Variants in MACROD2 observed in about 807,000 individuals in gnomAD.
MACROD2 encodes mono-ADP ribosylhydrolase 2, also known as ADP-ribose glycohydrolase MACROD2.
MACROD2 carries 36 observed loss-of-function variants against 70.4 expected under a neutral mutation model. That is an observed-to-expected ratio of 0.51 (90% CI 0.39 to 0.68). MACROD2 has a LOEUF of 0.68. Among genes scored for constraint, MACROD2 ranks in the 30% least tolerant of loss-of-function variants. MACROD2 has a pLI of 0.00. For synonymous variants in MACROD2, 172 were observed against 178.8 expected (o/e 0.96, Z 0.30); for missense variants, 496 against 538.4 (o/e 0.92, Z 0.78).
At chr20:14,377,295 TG>T (rs2083380818) in intron 3 of MACROD2, among the ~76,000 whole-genome samples, 1 of 152,184 alleles carries the variant, frequency 6.6e-6, no homozygotes, top group South Asian at 2.1e-4. Context: ...AAACTGTTTG[TG>T]GGCATTCAAT....
At chr20:15,234,010 T>TATATATATATTA (rs1299319044) in intron 6 of MACROD2, among the ~76,000 whole-genome samples, 1 of 42,502 alleles carries the variant, frequency 2.4e-5, no homozygotes, top group Non-Finnish European at 4.4e-5. Context: ...TATATATATA[T>TATATATATATTA]TCTTTTTTTT....
chr20:15,775,616 TC>T (rs2051708866), intron 8 of MACROD2, among the ~76,000 whole-genome samples: 1 of 152,124 alleles, frequency 6.6e-6, no homozygotes, highest in African/African-American at 2.4e-5. Context: ...AATTTTATTT[TC>T]CGTTTACATA....
chr20:14,065,678 A>G (rs112302848), intron 2 of MACROD2, among the ~76,000 whole-genome samples: 3,466 of 152,282 alleles, frequency 0.023, 56 homozygotes, highest in Non-Finnish European at 0.038. Flanking sequence ...TAATATCCCC[A>G]TAAGTGGGGA....
intron 3 of MACROD2, among the ~76,000 whole-genome samples, chr20:14,352,841 C>T (rs553440267): frequency 4.6e-5 from 7 of 151,726 alleles, no homozygotes; most frequent in African/African-American, 1.7e-4. Flanking sequence ...CAATGCACCA[C>T]CCAGAATTAA....
At chr20:14,996,909 C>A (rs1811354490) in intron 5 of MACROD2, among the ~76,000 whole-genome samples, 1 of 152,150 alleles carries the variant, frequency 6.6e-6, no homozygotes, top group African/African-American at 2.4e-5. Context: ...GCCTAGACTG[C>A]CTTTCAGATA....
At chr20:15,907,773 T>TA (rs1195990665) in intron 10 of MACROD2, among the ~76,000 whole-genome samples, 1 of 152,184 alleles carries the variant, frequency 6.6e-6, no homozygotes, top group Non-Finnish European at 1.5e-5. Context: ...TTCCTGTGCA[T>TA]AGATACAGAG....
intron 8 of MACROD2, among the ~76,000 whole-genome samples, chr20:15,539,055 T>G (rs2047918258): frequency 6.6e-6 from 1 of 152,222 alleles, no homozygotes; most frequent in Non-Finnish European, 1.5e-5. Flanking sequence ...AAACACATAA[T>G]AGAACATTTT....
chr20:14,936,177 A>G (rs1188245346), intron 5 of MACROD2, among the ~76,000 whole-genome samples: 1 of 152,198 alleles, frequency 6.6e-6, no homozygotes, highest in East Asian at 1.9e-4. Context: ...AGACAATTGC[A>G]GGGAGGGCCT....
At chr20:14,366,428 G>A (rs1308970851) in intron 3 of MACROD2, among the ~76,000 whole-genome samples, 10 of 148,496 alleles carry the variant, frequency 6.7e-5, no homozygotes, top group South Asian at 2.1e-4. Flanking sequence ...AGGCAGTGGC[G>A]CAATTTTGGC....
intron 3 of MACROD2, among the ~76,000 whole-genome samples, chr20:14,279,034 T>C (rs2082282669): frequency 6.6e-6 from 1 of 152,088 alleles, no homozygotes; most frequent in African/African-American, 2.4e-5. Flanking sequence ...CTGTGTTGGA[T>C]ATTGGAGGCC....
chr20:15,678,737 CTG>C (rs1381601735), intron 8 of MACROD2, among the ~76,000 whole-genome samples: 1 of 152,098 alleles, frequency 6.6e-6, no homozygotes, highest in Non-Finnish European at 1.5e-5. Flanking sequence ...ATGAGCCTAA[CTG>C]AGAGAGAGAA....
At chr20:15,861,484 G>A (rs2064423274) in intron 8 of MACROD2, among the ~76,000 whole-genome samples, 1 of 152,162 alleles carries the variant, frequency 6.6e-6, no homozygotes, top group South Asian at 2.1e-4. Context: ...GTGGTTGTTT[G>A]TACTCTAGTT....
At chr20:15,371,141 A>G in intron 6 of MACROD2, among the ~76,000 whole-genome samples, 1 of 152,148 alleles carries the variant, frequency 6.6e-6, no homozygotes. Flanking sequence ...AGAACAAAAC[A>G]AACAAAACAC....
At chr20:15,577,010 G>T (rs2048457673) in intron 8 of MACROD2, among the ~76,000 whole-genome samples, 2 of 152,136 alleles carry the variant, frequency 1.3e-5, no homozygotes, top group Admixed American at 6.5e-5. Context: ...ACACTTGCCT[G>T]TGTAAGAAAG....
At chr20:15,052,218 C>T (rs1026760484) in intron 5 of MACROD2, among the ~76,000 whole-genome samples, 1 of 152,196 alleles carries the variant, frequency 6.6e-6, no homozygotes, top group Non-Finnish European at 1.5e-5. Context: ...ACTGTGTGTG[C>T]TCCTTGAGGT....
At chr20:15,741,381 G>C (rs2051104047) in intron 8 of MACROD2, among the ~76,000 whole-genome samples, 2 of 151,832 alleles carry the variant, frequency 1.3e-5, no homozygotes, top group African/African-American at 4.8e-5. Context: ...TTACAGGCAT[G>C]AGCCACTGCG....
intron 5 of MACROD2, among the ~76,000 whole-genome samples, chr20:15,007,915 C>T (rs6043054): frequency 6.6e-6 from 1 of 152,210 alleles, no homozygotes; most frequent in Non-Finnish European, 1.5e-5. Flanking sequence ...CAGGGGAACC[C>T]TGATTTGCAT....
intron 4 of MACROD2, among the ~76,000 whole-genome samples, chr20:14,495,567 G>A (rs1334891978): frequency 6.6e-6 from 1 of 152,086 alleles, no homozygotes; most frequent in African/African-American, 2.4e-5. Context: ...GGAGGTTGAG[G>A]AAAACAGTGT....
intron 5 of MACROD2, among the ~76,000 whole-genome samples, chr20:14,773,004 G>T (rs1471246980): frequency 1.3e-5 from 2 of 151,916 alleles, no homozygotes; most frequent in African/African-American, 4.8e-5. Context: ...CCATCTAGTG[G>T]TGAAGTGGTT....
Sources: allele counts gnomAD v4.1 joint callset (sites outside exome capture counted in the v4.1 genomes callset), GRCh38; gene constraint gnomAD v4.1.1; transcripts MANE v1.5; gene names NCBI Gene and HGNC (gene_info 2026-07-23, HGNC 2026-07-21).